The following KIF3B variants were observed in gnomAD, a reference collection of about 807,000 sequenced individuals.
The protein encoded by KIF3B is kinesin family member 3B, also known as kinesin-like protein KIF3B.
A neutral mutation model predicts 74.3 loss-of-function variants in KIF3B; 38 were observed. The observed-to-expected ratio is 0.51, with a 90% confidence interval of 0.39 to 0.67. The LOEUF (loss-of-function observed/expected upper bound fraction) is 0.67. Among genes scored for constraint, KIF3B ranks in the 30% least tolerant of loss-of-function variants. The probability of loss-of-function intolerance (pLI) is 0.00; values close to 1 mark genes in which losing one functional copy is unlikely to be tolerated. For missense variants in KIF3B, 649 were observed against 932.0 expected (o/e 0.70, Z 3.95); for synonymous variants, 326 against 342.5 (o/e 0.95, Z 0.53).
chr20:32,316,481 GAC>G, intron 3 of KIF3B, 44 bp from the exon 4 acceptor site: 1 of 1,611,958 alleles, frequency 6.2e-7, no homozygotes, highest in Non-Finnish European at 8.5e-7. Flanking sequence ...ACCCAGCATA[GAC>G]ACAGTCTCTA....
intron 3 of KIF3B, 49 bp from the exon 4 acceptor site, chr20:32,316,478 A>G (rs1179570102): frequency 6.2e-7 from 1 of 1,611,636 alleles, no homozygotes; most frequent in Non-Finnish European, 8.5e-7. Context: ...GGAACCCAGC[A>G]TAGACACAGT....
intron 2 of KIF3B, among the ~76,000 whole-genome samples, chr20:32,311,767 C>T (rs2047801474): frequency 6.6e-6 from 1 of 151,606 alleles, no homozygotes; most frequent in Admixed American, 6.6e-5. Context: ...CGTACCCCCC[C>T]ACCCAGTGTA....
intron 1 of KIF3B, 81 bp from the exon 2 acceptor site, chr20:32,309,632 A>G: frequency 1.3e-6 from 1 of 796,036 alleles, no homozygotes; most frequent in East Asian, 2.7e-5. Flanking sequence ...CAAGATGAAG[A>G]CTATTTAGGT....
At position 32,323,625 on chromosome 20, in the gene KIF3B, T is replaced by A. The variant is rs575026911; in HGVS notation, c.1749-3146T>A. 3.9e-5 allele frequency among the ~76,000 whole-genome samples: 6 copies of A among 152,238 alleles called. No homozygotes were observed. The East Asian group carries it at 1.2e-3, about 29-fold the overall frequency. ...CGAGCATGGTGGCTCGTACCTGTAA[T>A]CCCAGCACTTTGGGAGGCTGAGGCA... On this transcript the variant is annotated intron_variant, in intron 5 of 8. Transcript: ENST00000375712.
intron 2 of KIF3B, among the ~76,000 whole-genome samples, chr20:32,313,459 G>A (rs932570952): frequency 1.3e-5 from 2 of 152,058 alleles, no homozygotes; most frequent in Non-Finnish European, 2.9e-5. Context: ...TTGTTTGTTT[G>A]TTTTAATCAG....
chr20:32,299,403 A>ATATATATATATATATTTT (rs1555895046), intron 1 of KIF3B, among the ~76,000 whole-genome samples: 1 of 9,028 alleles, frequency 1.1e-4, no homozygotes, highest in African/African-American at 6.1e-4. Context: ...ATATATATAT[A>ATATATATATATATATTTT]TTTTTTTTTT....
At position 32,325,927 on chromosome 20, in the gene KIF3B, A is replaced by C. The variant is rs62208773; in HGVS notation, c.1749-844A>C. Among the ~76,000 whole-genome samples, 894 of 151,842 alleles carry C rather than the reference A, an allele frequency of 5.9e-3. 2 individuals are homozygous for C. The highest frequency in any genetic ancestry group is 0.017 in the Middle Eastern group (5 of 294). On this transcript the variant is annotated intron_variant, in intron 5 of 8. Transcript: ENST00000375712. Reference sequence around the variant, plus strand: ...AGGCAATCCACTGGCTCGGCCTCCCAAAGTGTTAGGATTACAGACATGAGC... The same window carrying C: ...AGGCAATCCACTGGCTCGGCCTCCCCAAGTGTTAGGATTACAGACATGAGC...
chr20:32,325,981 T>C (rs2122716121), intron 5 of KIF3B, among the ~76,000 whole-genome samples: 1 of 152,272 alleles, frequency 6.6e-6, no homozygotes, highest in Non-Finnish European at 1.5e-5. Context: ...TCTCTTTTTA[T>C]ATCTTTTGAG....
Position 32,316,785 on chromosome 20 carries a change from T to C in KIF3B, c.1659T>C (p.Ala553=). Reference sequence around the variant, plus strand: ...TCTCCAAGCTTCAGGCAGTGAAGGCTGAGATCCATGACCTCCAAGAAGAAC... The same window carrying C: ...TCTCCAAGCTTCAGGCAGTGAAGGCCGAGATCCATGACCTCCAAGAAGAAC... ...KLFSKLQAVK[A]EIHDLQEEHI... is the part of the protein sequence containing the mutation. The change falls in exon 5 of 9, where the codon GCT becomes GCC. Residue 553 remains alanine, a synonymous_variant. Coordinates refer to ENST00000375712, the MANE Select transcript of KIF3B (RefSeq NM_004798.4). The C allele has an allele frequency of 6.2e-7, 1 of 1,614,090 alleles. No homozygotes were observed. Among genetic ancestry groups the C allele is most frequent in the East Asian group, 2.2e-5 (1 of 44,874 alleles).
intron 1 of KIF3B, among the ~76,000 whole-genome samples, chr20:32,283,263 T>C (rs2047652320): frequency 6.6e-6 from 1 of 152,110 alleles, no homozygotes; most frequent in Non-Finnish European, 1.5e-5. Flanking sequence ...CCCAGCACTT[T>C]GGGAGGCTGA....
chr20:32,302,492 A>C (rs1015312147), intron 1 of KIF3B, among the ~76,000 whole-genome samples: 1 of 149,156 alleles, frequency 6.7e-6, no homozygotes, highest in Non-Finnish European at 1.5e-5. Flanking sequence ...GCTGAACCTC[A>C]AGGTCAGCTT....
At chr20:32,298,859 T>C (rs2047728487) in intron 1 of KIF3B, among the ~76,000 whole-genome samples, 1 of 152,190 alleles carries the variant, frequency 6.6e-6, no homozygotes. Context: ...GGTCTTGCTC[T>C]GTTGCCCTGG....
Position 32,322,748 on chromosome 20 carries a change from ATATATATATT to A in KIF3B, c.1749-4003_1749-3994del, listed in dbSNP as rs1167543441. 2.1e-3 allele frequency among the ~76,000 whole-genome samples: 68 copies of A among 32,434 alleles called. 13 individuals carry two copies. Among genetic ancestry groups the A allele is most frequent in the African/African-American group, 3.5e-3 (18 of 5,216 alleles). 21.3% of individuals were successfully genotyped at this position (32,434 alleles called of 152,430 possible). ...TTTATTTATTTATATATATTTATTT[ATATATATATT>A]TATATATATTTATATATATATTTAT... is the stretch of plus-strand genomic sequence containing the variant. On this transcript the variant is annotated intron_variant, in intron 5 of 8. Coordinates refer to ENST00000375712, the MANE Select transcript of KIF3B (RefSeq NM_004798.4).
At chr20:32,324,381 A>G (rs900090724) in intron 5 of KIF3B, among the ~76,000 whole-genome samples, 1 of 152,164 alleles carries the variant, frequency 6.6e-6, no homozygotes, top group Non-Finnish European at 1.5e-5. Flanking sequence ...ATTGTTAAAC[A>G]CAGATTGCTG....
intron 1 of KIF3B, among the ~76,000 whole-genome samples, chr20:32,288,845 C>T (rs963951366): frequency 6.6e-6 from 1 of 152,114 alleles, no homozygotes. Context: ...CAAGACAGTT[C>T]TGATGGACTT....
rs574948037 is a variant in KIF3B, at chr20:32,316,071, G to T, written c.1405-147G>T. On this transcript the variant is annotated intron_variant, in intron 2 of 8. Coordinates refer to ENST00000375712, the MANE Select transcript of KIF3B (RefSeq NM_004798.4). Reference sequence around the variant, plus strand: ...CCAGTCCCTCACCAGTGATGGATGGGCACAGCTGAGCACAGTGTATTTTTT... The same window carrying T: ...CCAGTCCCTCACCAGTGATGGATGGTCACAGCTGAGCACAGTGTATTTTTT... 94 of 591,652 alleles carry T rather than the reference G, an allele frequency of 1.6e-4. No individual in the cohort carries two copies. In the African/African-American group the frequency reaches 1.7e-3, roughly 11 times the overall value. 36.7% of individuals were successfully genotyped at this position (591,652 alleles called of 1,614,324 possible). A position where few individuals can be genotyped will look rare whatever the true frequency, so the allele number is the denominator to read the frequency against.
chr20:32,299,454 A>G (rs1025819327), intron 1 of KIF3B, among the ~76,000 whole-genome samples: 9 of 107,926 alleles, frequency 8.3e-5, no homozygotes, highest in African/African-American at 3.4e-4. Flanking sequence ...TTTATCACCC[A>G]GGCTGGGGCA....
At position 32,310,233 on chromosome 20, in the gene KIF3B, C is replaced by T. The variant is rs1440131052; in HGVS notation, c.456C>T (p.Ile152=). 6.2e-7 allele frequency: 1 copy of T among 1,613,866 alleles called. No individual in the cohort carries two copies. The highest frequency in any genetic ancestry group is 8.5e-7 in the Non-Finnish European group (1 of 1,179,964). ...ASYLEIYQEE[I]RDLLSKDQTK... ...ACTTAGAGATCTACCAGGAGGAGAT[C>T]CGAGATTTGCTCTCAAAGGATCAGA... Residue 152 remains isoleucine (I), a synonymous_variant, in exon 2 of 9, where the codon ATC becomes ATT. Transcript: ENST00000375712. This position sits in a 1 kb window ranked among gnomAD's most constrained non-coding sequence, Gnocchi z 6.5.
At chr20:32,313,718 T>A (rs2047813092) in intron 2 of KIF3B, among the ~76,000 whole-genome samples, 1 of 151,970 alleles carries the variant, frequency 6.6e-6, no homozygotes, top group Non-Finnish European at 1.5e-5. Flanking sequence ...TTTGTTTTGT[T>A]TTGTTTTGAG....
Sources: allele counts gnomAD v4.1 joint callset (sites outside exome capture counted in the v4.1 genomes callset), GRCh38; gene constraint gnomAD v4.1.1; non-coding constraint Gnocchi (gnomAD v3.1); transcripts MANE v1.5; gene names NCBI Gene and HGNC (gene_info 2026-07-23, HGNC 2026-07-21).